The following KALRN variants were observed in gnomAD, a reference collection of about 807,000 sequenced individuals.
KALRN encodes kalirin RhoGEF kinase.
Under a neutral mutation model 353.7 loss-of-function variants are expected in KALRN, and 70 were observed. The ratio of observed to expected loss-of-function variants is 0.20; its 90% CI spans 0.16 to 0.24. The LOEUF is 0.24. Among genes scored for constraint, KALRN ranks in the 10% least tolerant of loss-of-function variants. KALRN has a pLI of 1.00. For missense variants in KALRN, 2,791 were observed against 3,756.7 expected (o/e 0.74, Z 6.72); for synonymous variants, 1,391 against 1,434.8 (o/e 0.97, Z 0.69).
intron 2 of KALRN, among the ~76,000 whole-genome samples, chr3:124,232,721 G>A (rs1051422657): frequency 1.3e-5 from 2 of 152,124 alleles, no homozygotes; most frequent in Non-Finnish European, 1.5e-5. Flanking sequence ...TGGATGTGGG[G>A]AATTAGAATT....
At chr3:124,256,608 G>A (rs1394398384) in intron 3 of KALRN, among the ~76,000 whole-genome samples, 1 of 152,114 alleles carries the variant, frequency 6.6e-6, no homozygotes, top group Non-Finnish European at 1.5e-5. Context: ...TAGTGAAAAC[G>A]ATCAGTTGTG....
rs370140965 is a variant in KALRN at position 124,439,083 on chromosome 3, C to T, written c.3198+46C>T. The stretch of plus-strand genomic sequence containing the variant: ...AAGGGCTCAGACTCCTGGCCTTGGC[C>T]GCCTTGTTCTTTCATCCTCTTTCTC... On this transcript the variant is annotated intron_variant, in intron 18 of 59. Coordinates refer to ENST00000682506, the MANE Select transcript of KALRN (RefSeq NM_001388419.1). The T allele has an allele frequency of 2.9e-5, 46 of 1,580,740 alleles. No homozygotes were observed. The Admixed American group carries it at 4.8e-4, about 17-fold the overall frequency.
intron 1 of KALRN, among the ~76,000 whole-genome samples, chr3:124,190,299 G>C (rs2074759021): frequency 6.6e-6 from 1 of 152,176 alleles, no homozygotes; most frequent in Non-Finnish European, 1.5e-5. Context: ...TAGGGCCTCT[G>C]ATGTTCTCCC....
intron 1 of KALRN, among the ~76,000 whole-genome samples, chr3:124,211,599 C>A (rs577917180): frequency 3.9e-5 from 6 of 152,324 alleles, no homozygotes; most frequent in African/African-American, 1.4e-4. Flanking sequence ...AGCAGCCTCC[C>A]TCCAACAGCA....
intron 3 of KALRN, among the ~76,000 whole-genome samples, chr3:124,250,290 C>T (rs897739102): frequency 6.6e-6 from 1 of 152,170 alleles, no homozygotes; most frequent in Non-Finnish European, 1.5e-5. Context: ...GCCAGGAAAC[C>T]AGAGCCCAGC....
chr3:124,279,755 C>T (rs1276396898), intron 5 of KALRN, among the ~76,000 whole-genome samples: 1 of 152,206 alleles, frequency 6.6e-6, no homozygotes, highest in Non-Finnish European at 1.5e-5. Context: ...GGAAGATGAG[C>T]TACATTCAGG....
At chr3:124,473,385 A>G (rs1246253320) in intron 25 of KALRN, among the ~76,000 whole-genome samples, 1 of 152,180 alleles carries the variant, frequency 6.6e-6, no homozygotes, top group African/African-American at 2.4e-5. Context: ...TTAGATAGAA[A>G]AGTAAACATT....
intron 34 of KALRN, among the ~76,000 whole-genome samples, chr3:124,565,836 G>C (rs755217235): frequency 2.6e-5 from 4 of 152,224 alleles, no homozygotes; most frequent in Non-Finnish European, 5.9e-5. Flanking sequence ...CTGTGATCCC[G>C]AAGTGGGAGG....
intron 59 of KALRN, among the ~76,000 whole-genome samples, chr3:124,718,229 C>A (rs1023550409): frequency 6.7e-6 from 1 of 148,540 alleles, no homozygotes; most frequent in African/African-American, 2.5e-5. Context: ...TCAAGCAATT[C>A]TCTGCCTCAG....
Position 124,719,458 on chromosome 3 carries a change from C to T in KALRN, c.8949C>T (p.Asn2983=). ...NVKSYIVNRV[N]QGT is the part of the protein sequence containing the mutation. ...AGAGCTACATTGTCAACCGGGTGAA[C>T]CAAGGGACGTAGCCATCTCCCAGCC... The change falls in exon 60 of 60, where the codon AAC becomes AAT. Residue 2983 remains asparagine (N), a synonymous_variant. Transcript: ENST00000682506. The surrounding 1 kb of genome is among the most constrained non-coding windows in gnomAD (Gnocchi z 5.3). 1 of 1,612,572 alleles carries T rather than the reference C, an allele frequency of 6.2e-7. No individual in the cohort carries two copies. Among genetic ancestry groups the T allele is most frequent in the East Asian group, 2.2e-5 (1 of 44,856 alleles).
chr3:124,446,717 T>A (rs746500061), intron 20 of KALRN, 46 bp from the exon 21 acceptor site: 2 of 1,612,346 alleles, frequency 1.2e-6, no homozygotes, highest in Admixed American at 3.4e-5. Context: ...GTTTTCCTAC[T>A]GACAGCTGCC....
At chr3:124,198,500 G>A (rs940909014) in intron 1 of KALRN, among the ~76,000 whole-genome samples, 1 of 152,220 alleles carries the variant, frequency 6.6e-6, no homozygotes, top group Non-Finnish European at 1.5e-5. Context: ...GACAATTTGT[G>A]TTCTCACTGT....
intron 21 of KALRN, among the ~76,000 whole-genome samples, chr3:124,454,497 A>G (rs748543006): frequency 6.6e-6 from 1 of 152,230 alleles, no homozygotes; most frequent in Non-Finnish European, 1.5e-5. Flanking sequence ...AGATTCTTAC[A>G]TCAGTAATAA....
rs529810541 is a variant in KALRN, at chr3:124,587,698, C to CTTTTTTTTTTTTTTTT, written c.5182+24619_5182+24634dup. 2.0e-4 allele frequency among the ~76,000 whole-genome samples: 15 copies of CTTTTTTTTTTTTTTTT among 75,856 alleles called. 2 individuals carry two copies. Among genetic ancestry groups the CTTTTTTTTTTTTTTTT allele is most frequent in the African/African-American group, 5.7e-4 (9 of 15,788 alleles). The allele number at this position is 75,856 out of a possible 152,430, so 49.8% of individuals were successfully genotyped here. A position where few individuals can be genotyped will look rare whatever the true frequency, so the allele number is the denominator to read the frequency against. On this transcript the variant is annotated intron_variant, in intron 34 of 59. Coordinates refer to ENST00000682506, the MANE Select transcript of KALRN (RefSeq NM_001388419.1). ...TTTTTCCCTCCACCCCCACCCTCCA[C>CTTTTTTTTTTTTTTTT]TTTTTTTTTTTTTTTTTTTTTTTTT... is the stretch of plus-strand genomic sequence containing the variant.
intron 1 of KALRN, among the ~76,000 whole-genome samples, chr3:124,191,617 A>C (rs1286012220): frequency 6.6e-6 from 1 of 152,230 alleles, no homozygotes; most frequent in South Asian, 2.1e-4. Context: ...ACCATATCTG[A>C]TGCCTGGGCA....
In KALRN at chr3:124,384,868, G is replaced by A. The variant is rs1576479176; in HGVS notation, c.1794G>A (p.Lys598=). The change falls in exon 11 of 60, where the codon AAG becomes AAA. Residue 598 remains lysine, a synonymous_variant. Transcript: ENST00000682506. The part of the protein sequence containing the change: ...VAQNTYTNAD[K]LLEAAEQLAQ... ...AGAATACGTACACCAATGCGGACAA[G>A]CTCCTAGAAGCAGCAGAGCAGTTGG... is the stretch of plus-strand genomic sequence containing the variant. 4 of 1,607,556 alleles carry A rather than the reference G, an allele frequency of 2.5e-6. No homozygotes were observed. Among genetic ancestry groups the A allele is most frequent in the African/African-American group, 2.7e-5 (2 of 74,932 alleles).
chr3:124,717,528 T>C (rs1207764956), intron 59 of KALRN, 143 bp downstream of exon 59: 4 of 472,572 alleles, frequency 8.5e-6, no homozygotes, highest in Admixed American at 4.0e-5. Flanking sequence ...CTACTAAAAA[T>C]ACAAAAAATA....
chr3:124,258,870 G>A (rs1276388116), intron 3 of KALRN, among the ~76,000 whole-genome samples: 4 of 152,216 alleles, frequency 2.6e-5, no homozygotes, highest in Non-Finnish European at 4.4e-5. Flanking sequence ...GTGGCTGTAC[G>A]TATTTTCCAT....
chr3:124,276,910 G>T (rs973401017), intron 5 of KALRN, among the ~76,000 whole-genome samples: 1 of 152,162 alleles, frequency 6.6e-6, no homozygotes, highest in Non-Finnish European at 1.5e-5. Context: ...TTTGAAGCTG[G>T]TGCTCCTCCC....
Sources: gnomAD v4.1 joint callset for allele counts (sites outside exome capture counted in the v4.1 genomes callset) on GRCh38, gnomAD v4.1.1 for gene constraint, Gnocchi (gnomAD v3.1) non-coding constraint, MANE v1.5 for transcripts, NCBI Gene and HGNC (gene_info 2026-07-23, HGNC 2026-07-21) for gene names.